The following PAFAH1B2 variants were observed in gnomAD, a reference collection of about 807,000 sequenced individuals.
The protein encoded by PAFAH1B2 is platelet-activating factor acetylhydrolase IB subunit alpha2.
PAFAH1B2 carries 8 observed loss-of-function variants against 28.0 expected under a neutral mutation model. The ratio of observed to expected loss-of-function variants is 0.29; its 90% CI spans 0.17 to 0.52. The LOEUF is 0.52. Among genes scored for constraint, PAFAH1B2 ranks in the 20% least tolerant of loss-of-function variants. The pLI is 0.97. For missense variants in PAFAH1B2, 190 were observed against 282.6 expected, an observed-to-expected ratio of 0.67 and a Z score of 2.35; for synonymous variants, 104 against 103.2, an observed-to-expected ratio of 1.01 and a Z score of -0.05.
rs1956636335 is a variant in PAFAH1B2, at chr11:117,170,868, G to A, written c.*3169G>A. Reference sequence around the variant, plus strand: ...GTGAGTTAGGGCCTCTTGAAAGGAGGCTTTTTGGAGAGGGGTCCCCCAGGT... The same window carrying A: ...GTGAGTTAGGGCCTCTTGAAAGGAGACTTTTTGGAGAGGGGTCCCCCAGGT... On this transcript the variant is annotated 3_prime_UTR_variant, in exon 6 of 6. Transcript: ENST00000527958. 1 of 1,060,612 alleles carries A rather than the reference G, an allele frequency of 9.4e-7. No individual in the cohort carries two copies. Among genetic ancestry groups the A allele is most frequent in the South Asian group, 4.6e-5 (1 of 21,938 alleles). 65.7% of individuals were successfully genotyped at this position (1,060,612 alleles called of 1,614,324 possible). A position where few individuals can be genotyped will look rare whatever the true frequency, so the allele number is the denominator to read the frequency against.
chr11:117,147,935 G>C (rs1256920330), intron 1 of PAFAH1B2, among the ~76,000 whole-genome samples: 1 of 152,030 alleles, frequency 6.6e-6, no homozygotes, highest in African/African-American at 2.4e-5. Context: ...AAGAAATTTA[G>C]GGTTGAGATG....
At chr11:117,159,819 G>C (rs1956332640) in intron 2 of PAFAH1B2, 115 bp from the exon 3 acceptor site, 1 of 697,620 alleles carries the variant, frequency 1.4e-6, no homozygotes, top group Non-Finnish European at 2.6e-6. Context: ...TCAAACTCCT[G>C]ACCTCAAGTT....
chr11:117,159,027 A>G (rs950799508), intron 2 of PAFAH1B2, among the ~76,000 whole-genome samples: 6 of 152,234 alleles, frequency 3.9e-5, no homozygotes, highest in South Asian at 4.1e-4. Context: ...CTACTTCACA[A>G]GTGGTCCAGC....
chr11:117,174,164 TTGTGTGTGTGTGTGTGTGTGTGTGTGTG>T (rs55735449), downstream of PAFAH1B2, among the ~76,000 whole-genome samples: 1 of 138,808 alleles, frequency 7.2e-6, no homozygotes, highest in African/African-American at 2.6e-5. Context: ...TTCATGTCTT[TTGTGTGTGTGTGTGTGTGTGTGTGTGTG>T]TGTGTGTGTG....
At chr11:117,171,517 C>G (rs1338307639), downstream of PAFAH1B2, 2 of 580,834 alleles carry the variant, frequency 3.4e-6, no homozygotes, top group Non-Finnish European at 6.2e-6. Flanking sequence ...GCCTGGGCAA[C>G]AGAGCGAGAC....
chr11:117,174,203 T>TGTGTGG (rs1191463894), downstream of PAFAH1B2, among the ~76,000 whole-genome samples: 107 of 149,400 alleles, frequency 7.2e-4, no homozygotes, highest in Admixed American at 2.2e-3. Context: ...TGTGTGTGTG[T>TGTGTGG]GTGGCAGTTT....
In PAFAH1B2 at chr11:117,148,423, C is replaced by G. The variant is rs145893641; in HGVS notation, c.-8+4005C>G. ...GAGTAGGCTTTGGAAGTCTGTCACT[C>G]TGGTTTCAAATCCCACCTGTCCTGT... On this transcript the variant is annotated intron_variant, in intron 1 of 5. Coordinates refer to ENST00000527958, the MANE Select transcript of PAFAH1B2 (RefSeq NM_002572.4). Among the ~76,000 whole-genome samples, 5 of 152,278 alleles carry G rather than the reference C, an allele frequency of 3.3e-5. No individual in the cohort carries two copies. In the South Asian group the frequency reaches 8.3e-4, roughly 25 times the overall value.
chr11:117,165,349 CAA>C (rs35084965), intron 5 of PAFAH1B2, among the ~76,000 whole-genome samples: 393 of 135,472 alleles, frequency 2.9e-3, no homozygotes, highest in Admixed American at 3.1e-3. Context: ...AACTCGGTCT[CAA>C]AAAAAAAAAA....
chr11:117,162,145 GTTTGT>G (rs905663278), intron 4 of PAFAH1B2, among the ~76,000 whole-genome samples: 3 of 152,124 alleles, frequency 2.0e-5, no homozygotes, highest in Non-Finnish European at 4.4e-5. Context: ...ATTGAAAGTT[GTTTGT>G]TTTAAGACAG....
chr11:117,173,205 C>G (rs891682022), downstream of PAFAH1B2, among the ~76,000 whole-genome samples: 3 of 152,220 alleles, frequency 2.0e-5, no homozygotes, highest in Non-Finnish European at 4.4e-5. Context: ...GAACCAGATG[C>G]AGGGCCTGAG....
downstream of PAFAH1B2, among the ~76,000 whole-genome samples, chr11:117,172,606 C>A (rs557707145): frequency 2.0e-5 from 3 of 152,082 alleles, no homozygotes; most frequent in South Asian, 6.2e-4. Flanking sequence ...TTACTTTGAA[C>A]TTTTCTGCCA....
chr11:117,171,656 A>C (rs1400719895), downstream of PAFAH1B2: 1 of 1,483,102 alleles, frequency 6.7e-7, no homozygotes, highest in Admixed American at 2.0e-5. Context: ...TCTATCTCAG[A>C]GATAGTGAGA....
chr11:117,163,671 TCAAAA>T (rs768203770), intron 4 of PAFAH1B2, 94 bp from the exon 5 acceptor site: 1 of 749,926 alleles, frequency 1.3e-6, no homozygotes, highest in Non-Finnish European at 2.0e-6. Flanking sequence ...AGACCCCATC[TCAAAA>T]AAAAAAAAAA....
rs373290808 is a variant in PAFAH1B2 at position 117,144,391 on chromosome 11, T to C, written c.-35T>C. ...CGCCACCCGCCGACGCCTCAGCCGCTTGGGGCCCGCACGGACCCTCTACTT... is the reference window on the plus strand; with the variant it reads ...CGCCACCCGCCGACGCCTCAGCCGCCTGGGGCCCGCACGGACCCTCTACTT... On this transcript the variant is annotated 5_prime_UTR_variant, in exon 1 of 6. Transcript: ENST00000527958. The C allele has an allele frequency of 7.2e-6, 3 of 415,262 alleles. No homozygotes were observed. The highest frequency in any genetic ancestry group is 4.9e-5 in the South Asian group (3 of 60,704). 25.7% of individuals were successfully genotyped at this position (415,262 alleles called of 1,614,324 possible). A position where few individuals can be genotyped will look rare whatever the true frequency, so the allele number is the denominator to read the frequency against.
At position 117,170,584 on chromosome 11, in the gene PAFAH1B2, T is replaced by C. The variant is rs570237952; in HGVS notation, c.*2885T>C. 5.8e-4 allele frequency: 601 copies of C among 1,040,948 alleles called. 1 individual carries two copies. The highest frequency in any genetic ancestry group is 3.8e-4 in the Non-Finnish European group (333 of 868,810). 64.5% of individuals were successfully genotyped at this position (1,040,948 alleles called of 1,614,324 possible). A position where few individuals can be genotyped will look rare whatever the true frequency, so the allele number is the denominator to read the frequency against. On this transcript the variant is annotated 3_prime_UTR_variant, in exon 6 of 6. Coordinates refer to ENST00000527958, the MANE Select transcript of PAFAH1B2 (RefSeq NM_002572.4). The stretch of plus-strand genomic sequence containing the variant: ...AGAAACCTTAACCCAACAAAACAAA[T>C]CTTGAGTAGCTCATGCCCGGCTCTT...
At chr11:117,172,028 TCTTGAAG>T (rs1169447400), downstream of PAFAH1B2, among the ~76,000 whole-genome samples, 1 of 151,904 alleles carries the variant, frequency 6.6e-6, no homozygotes, top group Non-Finnish European at 1.5e-5. Context: ...GCAGCCTGGA[TCTTGAAG>T]CTTTGCTTTA....
chr11:117,144,547 C>T lies in PAFAH1B2; in HGVS notation c.-8+129C>T, dbSNP rs571542744. The T allele has an allele frequency of 4.0e-3, 716 of 177,124 alleles. 1 individual carries two copies. Among genetic ancestry groups the T allele is most frequent in the South Asian group, 7.2e-3 (56 of 7,742 alleles). 11.0% of individuals were successfully genotyped at this position (177,124 alleles called of 1,614,324 possible). ...CTTGCGGCCCCTCCCCCCACGCCGC[C>T]CCATCCACTTGGGGGGGGCCTCGCG... On this transcript the variant is annotated intron_variant, in intron 1 of 5. Coordinates refer to ENST00000527958, the MANE Select transcript of PAFAH1B2 (RefSeq NM_002572.4).
rs1956597238 is a variant in PAFAH1B2, at chr11:117,169,484, A to G, written c.*1785A>G. 6 of 1,033,414 alleles carry G rather than the reference A, an allele frequency of 5.8e-6. No homozygotes were observed. Among genetic ancestry groups the G allele is most frequent in the Non-Finnish European group, 7.0e-6 (6 of 855,604 alleles). 64.0% of individuals were successfully genotyped at this position (1,033,414 alleles called of 1,614,324 possible). A position where few individuals can be genotyped will look rare whatever the true frequency, so the allele number is the denominator to read the frequency against. On this transcript the variant is annotated 3_prime_UTR_variant, in exon 6 of 6. Coordinates refer to ENST00000527958, the MANE Select transcript of PAFAH1B2 (RefSeq NM_002572.4). The stretch of plus-strand genomic sequence containing the variant: ...GAAAGGCAAATTTCAGTGCTTTTGT[A>G]TGTTGGAGGAGGGCTTACTGATGCG...
rs1475859441 is a variant in PAFAH1B2, at chr11:117,169,552, T to A, written c.*1853T>A. ...GATTGAGGGATGAACCTTGGGCTCA[T>A]TTTTTTCTTGTGAAGTCTCTTTCTA... On this transcript the variant is annotated 3_prime_UTR_variant, in exon 6 of 6. Transcript: ENST00000527958. The A allele has an allele frequency of 1.9e-6, 2 of 1,054,486 alleles. No individual in the cohort carries two copies. The highest frequency in any genetic ancestry group is 2.3e-6 in the Non-Finnish European group (2 of 872,482). The allele number at this position is 1,054,486 out of a possible 1,614,324, so 65.3% of individuals were successfully genotyped here. A position where few individuals can be genotyped will look rare whatever the true frequency, so the allele number is the denominator to read the frequency against.
Sources: gnomAD v4.1 joint callset for allele counts (sites outside exome capture counted in the v4.1 genomes callset) on GRCh38, gnomAD v4.1.1 for gene constraint, MANE v1.5 for transcripts, NCBI Gene and HGNC (gene_info 2026-07-23, HGNC 2026-07-21) for gene names.